The following PKHD1 variants were observed in gnomAD, a reference collection of about 807,000 sequenced individuals.
The protein encoded by PKHD1 is PKHD1 ciliary IPT domain containing fibrocystin/polyductin, also known as fibrocystin.
Under a neutral mutation model 412.0 loss-of-function variants are expected in PKHD1, and 291 were observed. The observed-to-expected ratio is 0.71, with a 90% confidence interval of 0.64 to 0.78. The LOEUF is 0.78. PKHD1 is among the 30% of genes least tolerant of loss of function. PKHD1 has a pLI of 0.00. For synonymous variants in PKHD1, 1,777 were observed against 1,821.5 expected, an observed-to-expected ratio of 0.98 and a Z score of 0.62; for missense variants, 4,825 against 4,950.7, an observed-to-expected ratio of 0.97 and a Z score of 0.76.
At chr6:51,818,854 T>C (rs1004371125) in intron 52 of PKHD1, among the ~76,000 whole-genome samples, 2 of 151,812 alleles carry the variant, frequency 1.3e-5, no homozygotes, top group African/African-American at 4.8e-5. Context: ...ACTTTGGAAA[T>C]AGAAAAAACA....
Position 52,026,141 on chromosome 6 carries a change from C to G in PKHD1, c.3669G>C (p.Arg1223Ser). 1 of 1,614,114 alleles carries G rather than the reference C, an allele frequency of 6.2e-7. No homozygotes were observed. Among genetic ancestry groups the G allele is most frequent in the East Asian group, 2.2e-5 (1 of 44,892 alleles). The change falls in exon 32 of 67, where the codon AGG becomes AGC. Residue 1223 changes from arginine (R) to serine (S), a missense_variant. Physicochemically the swap from Arg to Ser is moderately radical, Grantham distance 110. Transcript: ENST00000371117. ...ILSISGIGFS[R>S]DPALVWVLVG... The stretch of plus-strand genomic sequence containing the variant: ...CAAGTACCCAAACCAAAGCTGGGTC[C>G]CTGCTGAAGCCTATTCCTGAGATGC...
chr6:51,900,853 T>C (rs1257316485), intron 43 of PKHD1, among the ~76,000 whole-genome samples: 4 of 151,908 alleles, frequency 2.6e-5, no homozygotes, highest in South Asian at 2.1e-4. Flanking sequence ...AAAAAGTGGG[T>C]GAAGGACATG....
rs1404069327 is a variant in PKHD1, at chr6:51,659,510, A to G, written c.10616T>C (p.Met3539Thr). The change falls in exon 61 of 67, where the codon ATG (methionine) becomes ACG (threonine). Residue 3539 changes from methionine to threonine, a missense_variant. Physicochemically the swap from Met to Thr is moderately conservative, Grantham distance 81. Transcript: ENST00000371117. ...ESIGANYFNI[M>T]DNLLYVVLQG... Reference sequence around the variant, plus strand: ...TAGGACAACATACAAGAGGTTATCCATGATGTTGAAATAGTTGGCACCAAT... The same window carrying G: ...TAGGACAACATACAAGAGGTTATCCGTGATGTTGAAATAGTTGGCACCAAT... The G allele has an allele frequency of 1.2e-6, 2 of 1,613,572 alleles. No homozygotes were observed. The highest frequency in any genetic ancestry group is 1.7e-6 in the Non-Finnish European group (2 of 1,179,712).
chr6:51,764,955 T>G (rs1788734252), intron 55 of PKHD1, among the ~76,000 whole-genome samples: 1 of 152,082 alleles, frequency 6.6e-6, no homozygotes, highest in Non-Finnish European at 1.5e-5. Flanking sequence ...CATGTCTTCT[T>G]CAATAATGAC....
At chr6:51,634,353 A>C (rs952234321) in intron 64 of PKHD1, among the ~76,000 whole-genome samples, 3 of 152,190 alleles carry the variant, frequency 2.0e-5, no homozygotes, top group African/African-American at 7.2e-5. Flanking sequence ...CATGTATCTG[A>C]GCCATATTTG....
intron 51 of PKHD1, among the ~76,000 whole-genome samples, chr6:51,833,877 T>C (rs2151531612): frequency 6.6e-6 from 1 of 152,268 alleles, no homozygotes; most frequent in South Asian, 2.1e-4. Flanking sequence ...TCTGAAGCTT[T>C]AGATAAATTA....
chr6:51,634,428 T>C (rs943419900), intron 64 of PKHD1, among the ~76,000 whole-genome samples: 10 of 152,206 alleles, frequency 6.6e-5, no homozygotes, highest in African/African-American at 1.4e-4. Context: ...GGCACAGAGA[T>C]GGGGGAATAG....
intron 36 of PKHD1, among the ~76,000 whole-genome samples, chr6:51,940,075 C>T (rs1015821807): frequency 1.3e-5 from 2 of 151,714 alleles, no homozygotes; most frequent in African/African-American, 4.8e-5. Flanking sequence ...TCTTTTTCAT[C>T]AAATATGAAA....
intron 35 of PKHD1, among the ~76,000 whole-genome samples, chr6:51,981,361 C>CCCTG (rs1795205490): frequency 9.7e-6 from 1 of 103,188 alleles, no homozygotes; most frequent in African/African-American, 3.1e-5. Context: ...CCCTCTCCCT[C>CCCTG]TCCCTCTCCC....
At chr6:51,882,045 A>G (rs1777459525) in intron 46 of PKHD1, among the ~76,000 whole-genome samples, 1 of 152,228 alleles carries the variant, frequency 6.6e-6, no homozygotes, top group East Asian at 1.9e-4. Flanking sequence ...AACATCAATT[A>G]AGATACTGCA....
At chr6:52,068,560 T>C (rs1810104856) in intron 11 of PKHD1, among the ~76,000 whole-genome samples, 1 of 152,228 alleles carries the variant, frequency 6.6e-6, no homozygotes, top group Non-Finnish European at 1.5e-5. Context: ...ATACTTTGTT[T>C]ATCTGAGTCT....
intron 46 of PKHD1, among the ~76,000 whole-genome samples, chr6:51,879,039 T>C (rs1776981369): frequency 1.1e-5 from 1 of 89,260 alleles, no homozygotes; most frequent in Non-Finnish European, 2.0e-5. Flanking sequence ...ATAAAATACC[T>C]AGGAATCCAA....
intron 25 of PKHD1, 28 bp from the exon 26 acceptor site, chr6:52,043,758 T>C: frequency 1.3e-6 from 2 of 1,500,134 alleles, no homozygotes; most frequent in Non-Finnish European, 1.9e-6. Flanking sequence ...TTCTTTTCCA[T>C]TTTATGCATT....
At chr6:51,975,883 A>C (rs921254896) in intron 35 of PKHD1, 1 of 140,326 alleles carries the variant, frequency 7.1e-6, no homozygotes, top group Non-Finnish European at 1.5e-5. Context: ...TCCTGTGCTG[A>C]TTACGAGAGT....
At chr6:52,050,098 C>T in intron 22 of PKHD1, 59 bp downstream of exon 22, 2 of 1,559,412 alleles carry the variant, frequency 1.3e-6, no homozygotes, top group Non-Finnish European at 1.8e-6. Flanking sequence ...CACCTGTGTC[C>T]CTCAAGGCCA....
At position 52,043,066 on chromosome 6, in the gene PKHD1, C is replaced by A. The variant is rs202167022; in HGVS notation, c.2890G>T (p.Val964Phe). 4 of 1,613,750 alleles carry A rather than the reference C, an allele frequency of 2.5e-6. No individual in the cohort carries two copies. The highest frequency in any genetic ancestry group is 1.7e-4 in the Middle Eastern group (1 of 6,060). ...TTGCAACTCGTTTTGTTCACTGTAA[C>A]CTGCAAGAACTGGGAGTCACCAGAG... ...GFSGDSQFLQ[V>F]TVNKTSCKVI... The change falls in exon 27 of 67, where the codon GTT becomes TTT. Residue 964 changes from valine (V) to phenylalanine (F), a missense_variant. Transcript: ENST00000371117.
rs569232822 is a variant in PKHD1, at chr6:51,953,924, C to T, written c.5908+5946G>A. On this transcript the variant is annotated intron_variant, in intron 36 of 66. Transcript: ENST00000371117. ...AAGCAAATGGATCCACTTCTCCATCCGTCCCTCCCTCGCAATAGAAGGAAA... is the reference window on the plus strand; with the variant it reads ...AAGCAAATGGATCCACTTCTCCATCTGTCCCTCCCTCGCAATAGAAGGAAA... 5.3e-5 allele frequency among the ~76,000 whole-genome samples: 8 copies of T among 152,106 alleles called. No individual in the cohort carries two copies. The East Asian group carries it at 9.7e-4, about 18-fold the overall frequency.
chr6:51,679,522 T>G (rs1776339217), intron 60 of PKHD1, among the ~76,000 whole-genome samples: 1 of 151,980 alleles, frequency 6.6e-6, no homozygotes, highest in African/African-American at 2.4e-5. Flanking sequence ...TTTCTCCCTT[T>G]TTATTCTGAG....
Position 51,887,057 on chromosome 6 carries a change from T to C in PKHD1, c.7109+76A>G, listed in dbSNP as rs1778321622. ...AATCTCCAACAAATGCCCAAAGTGCTCTCATTGTGAGCATTCTACAGTAAA... is the reference window on the plus strand; with the variant it reads ...AATCTCCAACAAATGCCCAAAGTGCCCTCATTGTGAGCATTCTACAGTAAA... On this transcript the variant is annotated intron_variant, in intron 44 of 66. Coordinates refer to ENST00000371117, the MANE Select transcript of PKHD1 (RefSeq NM_138694.4). 5 of 931,648 alleles carry C rather than the reference T, an allele frequency of 5.4e-6. No homozygotes were observed. The East Asian group carries it at 1.2e-4, about 22-fold the overall frequency. The allele number at this position is 931,648 out of a possible 1,614,324, so 57.7% of individuals were successfully genotyped here. A position where few individuals can be genotyped will look rare whatever the true frequency, so the allele number is the denominator to read the frequency against.
Sources: allele counts gnomAD v4.1 joint callset (sites outside exome capture counted in the v4.1 genomes callset), GRCh38; gene constraint gnomAD v4.1.1; transcripts MANE v1.5; gene names NCBI Gene and HGNC (gene_info 2026-07-23, HGNC 2026-07-21).